The following ANKRD31 variants were observed in gnomAD, a reference collection of about 807,000 sequenced individuals.
ANKRD31 encodes the protein ankyrin repeat domain 31, also known as ankyrin repeat domain-containing protein 31.
A neutral mutation model predicts 186.0 loss-of-function variants in ANKRD31; 147 were observed. The observed-to-expected ratio is 0.79, with a 90% CI of 0.69 to 0.91. The LOEUF (loss-of-function observed/expected upper bound fraction) is 0.91, where lower values mean the gene tolerates loss of function less well. ANKRD31 is among the 40% of genes least tolerant of loss of function. The pLI, the probability that ANKRD31 is intolerant of heterozygous loss-of-function variation, is 0.00. For missense variants in ANKRD31, 1,986 were observed against 2,148.8 expected, an observed-to-expected ratio of 0.92 and a Z score of 1.50; for synonymous variants, 673 against 736.4, an observed-to-expected ratio of 0.91 and a Z score of 1.39.
intron 3 of ANKRD31, among the ~76,000 whole-genome samples, chr5:75,216,570 A>G (rs545100044): frequency 8.7e-4 from 133 of 152,150 alleles, no homozygotes; most frequent in Non-Finnish European, 1.5e-3. Flanking sequence ...GCAAATATAG[A>G]TCTCTCAATT....
chr5:75,154,286 T>C lies in ANKRD31; in HGVS notation c.1767A>G (p.Lys589=). The change falls in exon 12 of 26, where the codon AAA becomes AAG. Residue 589 remains lysine (K), a synonymous_variant. Transcript: ENST00000506364. ...ADPLFRNDDG[K]CALDEAKDLC... The stretch of plus-strand genomic sequence containing the variant: ...AATCCTTGGCCTCATCCAAAGCACA[T>C]TTTCCATCATCATTTCTAAATAATG... The C allele has an allele frequency of 2.6e-6, 4 of 1,535,848 alleles. No homozygotes were observed. Among genetic ancestry groups the C allele is most frequent in the Non-Finnish European group, 3.5e-6 (4 of 1,146,120 alleles).
At chr5:75,140,160 C>A (rs1750901333) in intron 15 of ANKRD31, among the ~76,000 whole-genome samples, 2 of 151,218 alleles carry the variant, frequency 1.3e-5, no homozygotes. Context: ...GCCAAGACTG[C>A]ACCACTGCAC....
At chr5:75,136,398 C>T (rs1054013575) in intron 17 of ANKRD31, among the ~76,000 whole-genome samples, 1 of 152,126 alleles carries the variant, frequency 6.6e-6, no homozygotes, top group Non-Finnish European at 1.5e-5. Flanking sequence ...ATGCAGCCAA[C>T]AGACACATGA....
At chr5:75,221,153 C>T (rs1757276915) in intron 3 of ANKRD31, among the ~76,000 whole-genome samples, 1 of 151,608 alleles carries the variant, frequency 6.6e-6, no homozygotes, top group African/African-American at 2.4e-5. Context: ...AGGGGAAAAA[C>T]AGATACTGGA....
intron 4 of ANKRD31, among the ~76,000 whole-genome samples, 154 bp downstream of exon 4, chr5:75,210,674 T>G (rs2150286507): frequency 6.6e-6 from 1 of 152,342 alleles, no homozygotes; most frequent in East Asian, 1.9e-4. Context: ...TTATCTAGAA[T>G]GTATGTAAAA....
At chr5:75,112,624 C>A (rs1747879834) in intron 19 of ANKRD31, 24 bp from the exon 20 acceptor site, 5 of 1,424,412 alleles carry the variant, frequency 3.5e-6, no homozygotes, top group Non-Finnish European at 3.8e-6. Context: ...ATATTTGAAA[C>A]TTCATTATAA....
Position 75,132,554 on chromosome 5 carries a change from A to C in ANKRD31, c.3876+5302T>G, listed in dbSNP as rs192219781. Among the ~76,000 whole-genome samples the C allele has an allele frequency of 3.9e-5, 6 of 152,318 alleles. No homozygotes were observed. In the East Asian group the frequency reaches 1.2e-3, roughly 29 times the overall value. The stretch of plus-strand genomic sequence containing the variant: ...ATATACATCTGATCGGTGTACCTGA[A>C]AGTGACGGGAGAATGGAACCAAGTT... On this transcript the variant is annotated intron_variant, in intron 17 of 25. Coordinates refer to ENST00000506364, the MANE Select transcript of ANKRD31 (RefSeq NM_001372053.1).
chr5:75,134,785 C>T (rs562382374), intron 17 of ANKRD31, among the ~76,000 whole-genome samples: 150 of 152,166 alleles, frequency 9.9e-4, no homozygotes, highest in African/African-American at 3.4e-3. Flanking sequence ...ACTGGCAAAC[C>T]GAATCCAGTA....
Position 75,146,669 on chromosome 5 carries a change from T to C in ANKRD31, c.2742A>G (p.Thr914=). Residue 914 remains threonine (T), a synonymous_variant, in exon 14 of 26, where the codon ACA becomes ACG. Coordinates refer to ENST00000506364, the MANE Select transcript of ANKRD31 (RefSeq NM_001372053.1). ...DDCSTSEKAI[T]SKKVLCSTGG... The stretch of plus-strand genomic sequence containing the variant: ...CTGTAGAACACAACACCTTTTTAGA[T>C]GTTATAGCCTTCTCAGAGGTAGAGC... 2 of 1,536,262 alleles carry C rather than the reference T, an allele frequency of 1.3e-6. No homozygotes were observed. Among genetic ancestry groups the C allele is most frequent in the East Asian group, 4.9e-5 (2 of 40,862 alleles).
intron 11 of ANKRD31, among the ~76,000 whole-genome samples, chr5:75,161,961 T>C (rs1170618327): frequency 6.6e-6 from 1 of 152,214 alleles, no homozygotes; most frequent in East Asian, 1.9e-4. Flanking sequence ...CAGGCAAAAG[T>C]TTGCTGCAAG....
In ANKRD31 at chr5:75,121,180, TA is replaced by T. The variant is rs369698514; in HGVS notation, c.3877-2884del. Among the ~76,000 whole-genome samples the T allele has an allele frequency of 6.1e-3, 754 of 124,354 alleles. 2 individuals are homozygous for T. The highest frequency in any genetic ancestry group is 6.6e-3 in the Non-Finnish European group (374 of 56,870). 81.6% of individuals were successfully genotyped at this position (124,354 alleles called of 152,430 possible). A position where few individuals can be genotyped will look rare whatever the true frequency, so the allele number is the denominator to read the frequency against. ...CCTGCTGACAGAGTGAGACTCTATA[TA>T]AAAAAAAAAAAAAAGATAGAGGGGT... On this transcript the variant is annotated intron_variant, in intron 17 of 25. Transcript: ENST00000506364.
At chr5:75,078,389 A>T (rs1309219529) in intron 25 of ANKRD31, among the ~76,000 whole-genome samples, 1 of 152,198 alleles carries the variant, frequency 6.6e-6, no homozygotes, top group East Asian at 1.9e-4. Context: ...TATCAGTAGG[A>T]CCGTTTTATC....
intron 22 of ANKRD31, among the ~76,000 whole-genome samples, chr5:75,092,720 G>GAC (rs1036996258): frequency 6.6e-6 from 1 of 152,064 alleles, no homozygotes; most frequent in East Asian, 1.9e-4. Context: ...AGCAAAGTAT[G>GAC]ACACACACAC....
At chr5:75,145,424 C>A (rs1751364339) in intron 14 of ANKRD31, among the ~76,000 whole-genome samples, 1 of 152,194 alleles carries the variant, frequency 6.6e-6, no homozygotes, top group South Asian at 2.1e-4. Context: ...GGGATGAGTT[C>A]ATGTCCTTTT....
intron 25 of ANKRD31, among the ~76,000 whole-genome samples, chr5:75,074,544 C>G (rs116256651): frequency 0.014 from 2,177 of 152,290 alleles, 10 homozygotes; most frequent in African/African-American, 0.02. Flanking sequence ...ACAAAAAACA[C>G]ACACATAGAG....
intron 25 of ANKRD31, among the ~76,000 whole-genome samples, chr5:75,076,757 G>A (rs929716821): frequency 3.9e-5 from 6 of 152,086 alleles, no homozygotes; most frequent in East Asian, 3.9e-4. Context: ...GCCAAGAGTC[G>A]TCTCATTAGA....
At chr5:75,107,370 A>G (rs992520778) in intron 21 of ANKRD31, 151 bp downstream of exon 21, 2 of 529,150 alleles carry the variant, frequency 3.8e-6, no homozygotes, top group African/African-American at 3.9e-5. Context: ...ATAATTTTCC[A>G]TGGTAGTAAC....
At chr5:75,193,615 C>T (rs1388334737) in intron 7 of ANKRD31, 24 bp from the exon 8 acceptor site, 5 of 1,500,032 alleles carry the variant, frequency 3.3e-6, no homozygotes, top group East Asian at 2.5e-5. Flanking sequence ...AATACATCCA[C>T]AAAAAATTAC....
At chr5:75,072,549 A>C (rs1744319075) in intron 25 of ANKRD31, among the ~76,000 whole-genome samples, 1 of 152,226 alleles carries the variant, frequency 6.6e-6, no homozygotes, top group Admixed American at 6.5e-5. Flanking sequence ...CAGACTTCTA[A>C]TGAACGACTA....
Sources: allele counts gnomAD v4.1 joint callset (sites outside exome capture counted in the v4.1 genomes callset), GRCh38; gene constraint gnomAD v4.1.1; transcripts MANE v1.5; gene names NCBI Gene and HGNC (gene_info 2026-07-23, HGNC 2026-07-21).